LHB: variants seen among roughly 807,000 people sequenced by gnomAD.
LHB encodes the protein lutropin subunit beta.
LHB carries 11 observed loss-of-function variants against 10.6 expected under a neutral mutation model. The observed-to-expected ratio is 1.04, with a 90% CI of 0.66 to 1.72. The LOEUF (loss-of-function observed/expected upper bound fraction) is 1.72. LHB is among the 40% of genes most tolerant of loss of function. LHB has a pLI of 0.00. For missense variants in LHB, 184 were observed against 197.3 expected (o/e 0.93, Z 0.41); for synonymous variants, 86 against 83.1 (o/e 1.03, Z -0.19).
chr19:49,016,864 G>C, intron 1 of LHB, 150 bp from the exon 2 acceptor site: 1 of 1,572,984 alleles, frequency 6.4e-7, no homozygotes, highest in Non-Finnish European at 8.6e-7. Flanking sequence ...CTGCCTTTCA[G>C]AGCCCACCCC....
At position 49,016,682 on chromosome 19, in the gene LHB, G is replaced by T. The variant is rs376919677; in HGVS notation, c.48C>A (p.Gly16=). ...GLLLLLLLSM[G]GAWASREPLR... ...GCGGCTCCCTGGATGCCCATGCCCC[G>T]CCCATGCTCAGCAGCAGCAACAGCA... is the stretch of plus-strand genomic sequence containing the variant. The change falls in exon 2 of 3, where the codon GGC becomes GGA. Residue 16 remains glycine, a synonymous_variant. Transcript: ENST00000649238. The T allele has an allele frequency of 6.2e-7, 1 of 1,611,800 alleles. No individual in the cohort carries two copies. Among genetic ancestry groups the T allele is most frequent in the Admixed American group, 1.7e-5 (1 of 59,996 alleles).
upstream of LHB, chr19:49,017,767 G>T: frequency 2.4e-6 from 1 of 409,182 alleles, no homozygotes; most frequent in Non-Finnish European, 4.3e-6. Context: ...AGCCTGCAAG[G>T]ACATTATCTG....
At chr19:49,018,870 T>C, upstream of LHB, 5 of 1,533,292 alleles carry the variant, frequency 3.3e-6, no homozygotes, top group Non-Finnish European at 4.4e-6. Context: ...GAGCCCGGCT[T>C]ACTTGGGATA....
At chr19:49,017,998 G>A (rs1370149190), upstream of LHB, 1 of 398,594 alleles carries the variant, frequency 2.5e-6, no homozygotes, top group African/African-American at 2.1e-5. Flanking sequence ...AGCTGCCATA[G>A]CTGGAGTTCT....
In LHB at chr19:49,016,294, G is replaced by A. The variant is rs73942398; in HGVS notation, c.200C>T (p.Ala67Val). 1.6e-5 allele frequency: 26 copies of A among 1,611,160 alleles called. No homozygotes were observed. Among genetic ancestry groups the A allele is most frequent in the East Asian group, 4.5e-5 (2 of 44,888 alleles). The change falls in exon 3 of 3, where the codon GCG (alanine) becomes GTG (valine). Residue 67 changes from alanine to valine, a missense_variant. Transcript: ENST00000649238. ...CACCTGAGGCAGGGGCGGCAGGACCGCCTGCAGCACGCGCATCTGGAGGCC... is the reference window on the plus strand; with the variant it reads ...CACCTGAGGCAGGGGCGGCAGGACCACCTGCAGCACGCGCATCTGGAGGCC... The part of the protein sequence containing the change: ...YCPTMMRVLQ[A>V]VLPPLPQVVC...
At chr19:49,018,056 C>CA (rs2039588739), upstream of LHB, 1 of 398,732 alleles carries the variant, frequency 2.5e-6, no homozygotes, top group East Asian at 3.6e-5. Context: ...CAGGGGCTTC[C>CA]AGTGCGGGCC....
At position 49,016,878 on chromosome 19, in the gene LHB, G is replaced by A; in HGVS notation, c.16-164C>T. 7.0e-6 allele frequency: 11 copies of A among 1,578,182 alleles called. 1 individual carries two copies. In the South Asian group the frequency reaches 1.2e-4, roughly 18 times the overall value. On this transcript the variant is annotated intron_variant, in intron 1 of 2. Transcript: ENST00000649238. ...CCTGCCTTTCAGAGCCCACCCCACA[G>A]CCCAGAGGACCTGAGATGCCCCAAC... is the stretch of plus-strand genomic sequence containing the variant.
intron 2 of LHB, 102 bp downstream of exon 2, chr19:49,016,445 C>T (rs2039554927): frequency 1.9e-6 from 3 of 1,602,062 alleles, no homozygotes; most frequent in South Asian, 2.2e-5. Flanking sequence ...CACCCCATTC[C>T]CCAACCGCAG....
Position 49,016,405 on chromosome 19 carries a change from C to T in LHB, c.184-95G>A, listed in dbSNP as rs1280175901. On this transcript the variant is annotated intron_variant, in intron 2 of 2. Coordinates refer to ENST00000649238, the MANE Select transcript of LHB (RefSeq NM_000894.3). Reference sequence around the variant, plus strand: ...ACCCCACAGGTCCTGGACTCAGGAGCCCAGGAAGCCCTCTGTTCCTGCCTT... The same window carrying T: ...ACCCCACAGGTCCTGGACTCAGGAGTCCAGGAAGCCCTCTGTTCCTGCCTT... 4.2e-4 allele frequency: 674 copies of T among 1,596,542 alleles called. 7 individuals are homozygous for T. The African/African-American group carries it at 8.1e-3, about 19-fold the overall frequency.
upstream of LHB, chr19:49,018,210 G>T: frequency 1.9e-6 from 1 of 532,390 alleles, no homozygotes; most frequent in Non-Finnish European, 2.9e-6. Context: ...ACGCGGACCC[G>T]CGGTGGTCGG....
upstream of LHB, chr19:49,017,757 A>C (rs3795052): frequency 0.082 from 33,886 of 414,282 alleles, 1,540 homozygotes; most frequent in Middle Eastern, 0.091. Context: ...CCGGGGCCAC[A>C]GCCTGCAAGG....
At position 49,016,015 on chromosome 19, in the gene LHB, G is replaced by T. The variant is rs2039544123; in HGVS notation, c.*53C>A. The stretch of plus-strand genomic sequence containing the variant: ...GAAGCCTTTATTGTGGGAGGATCGG[G>T]GTGTCAGGGCTCCAGGAGTCGGGAT... On this transcript the variant is annotated 3_prime_UTR_variant, in exon 3 of 3. Transcript: ENST00000649238. 5 of 1,613,988 alleles carry T rather than the reference G, an allele frequency of 3.1e-6. No individual in the cohort carries two copies. Among genetic ancestry groups the T allele is most frequent in the Non-Finnish European group, 3.4e-6 (4 of 1,180,052 alleles).
At chr19:49,018,555 A>C (rs921897469), upstream of LHB, among the ~76,000 whole-genome samples, 5 of 152,046 alleles carry the variant, frequency 3.3e-5, no homozygotes, top group South Asian at 2.1e-4. Flanking sequence ...GGGAAGTAAA[A>C]GGGGACTTTC....
In LHB at chr19:49,017,048, A is replaced by G; in HGVS notation, c.15+19T>C. 3 of 1,613,708 alleles carry G rather than the reference A, an allele frequency of 1.9e-6. No homozygotes were observed. The highest frequency in any genetic ancestry group is 8.5e-7 in the Non-Finnish European group (1 of 1,179,854). ...GCCTGGAAGGAGGTGGAAGGTGCCCAGGGGCCCTGTAGTCTTACCTGGAGC... is the reference window on the plus strand; with the variant it reads ...GCCTGGAAGGAGGTGGAAGGTGCCCGGGGGCCCTGTAGTCTTACCTGGAGC... On this transcript the variant is annotated intron_variant, in intron 1 of 2. Transcript: ENST00000649238.
upstream of LHB, chr19:49,017,228 G>GGAGTGGCTCAGCA: frequency 7.0e-7 from 1 of 1,424,122 alleles, no homozygotes; most frequent in Non-Finnish European, 9.9e-7. Flanking sequence ...GGGAGGCGCA[G>GGAGTGGCTCAGCA]GAGTGGCTCA....
chr19:49,017,935 G>T, upstream of LHB: 1 of 398,606 alleles, frequency 2.5e-6, no homozygotes, highest in South Asian at 1.3e-4. Context: ...GCGGCCCTGG[G>T]GGCGGGTCTG....
chr19:49,018,161 C>T (rs1351898852), upstream of LHB: 13 of 404,572 alleles, frequency 3.2e-5, no homozygotes. Flanking sequence ...CAGGGCTCCC[C>T]GGTGCGGCAT....
At chr19:49,018,716 AAGGG>A (rs1322516223), upstream of LHB, among the ~76,000 whole-genome samples, 1 of 151,640 alleles carries the variant, frequency 6.6e-6, no homozygotes, top group Non-Finnish European at 1.5e-5. Flanking sequence ...TTAAAAAAAA[AAGGG>A]AGGGGCTGAG....
chr19:49,018,767 G>T, upstream of LHB: 1 of 999,858 alleles, frequency 1.0e-6, no homozygotes, highest in Non-Finnish European at 1.5e-6. Context: ...AGAAGTCGAG[G>T]CTGAGACCAC....
Sources: allele counts gnomAD v4.1 joint callset (sites outside exome capture counted in the v4.1 genomes callset), GRCh38; gene constraint gnomAD v4.1.1; transcripts MANE v1.5; gene names NCBI Gene and HGNC (gene_info 2026-07-23, HGNC 2026-07-21).